RASEF: variants seen among roughly 807,000 people sequenced by gnomAD.
RASEF encodes the protein ras and EF-hand domain-containing protein.
In RASEF, 68 loss-of-function variants were observed where a neutral mutation model predicts 90.1. That is an observed-to-expected ratio of 0.75 (90% confidence interval 0.62 to 0.92). The LOEUF (loss-of-function observed/expected upper bound fraction) is 0.92. Ranked by LOEUF, RASEF falls within the 40% of genes least tolerant of loss-of-function variation. RASEF has a pLI of 0.00. For missense variants in RASEF, 949 were observed against 937.2 expected (o/e 1.01, Z -0.16); for synonymous variants, 331 against 345.2 (o/e 0.96, Z 0.46).
chr9:83,196,003 C>A, the RASEF span, among the ~76,000 whole-genome samples: 3 of 151,824 alleles, frequency 2.0e-5, no homozygotes, highest in South Asian at 6.2e-4. Flanking sequence ...CAACTTGGAC[C>A]CGGGGGTGGC....
At chr9:83,160,696 A>G in the RASEF span, among the ~76,000 whole-genome samples, 1 of 152,186 alleles carries the variant, frequency 6.6e-6, no homozygotes, top group African/African-American at 2.4e-5. Context: ...AATGGGGAAA[A>G]TGTCTCCAGG....
At chr9:83,187,210 G>A in the RASEF span, among the ~76,000 whole-genome samples, 315 of 152,142 alleles carry the variant, frequency 2.1e-3, 1 homozygote, top group African/African-American at 7.3e-3. Context: ...TGACTATCTG[G>A]TATCTTTCCC....
chr9:83,055,954 A>G lies in RASEF; in HGVS notation c.431+6483T>C, dbSNP rs115296065. 7.0e-3 allele frequency among the ~76,000 whole-genome samples: 1,071 copies of G among 152,274 alleles called. 11 individuals are homozygous for G. The highest frequency in any genetic ancestry group is 0.024 in the African/African-American group (1,013 of 41,548). On this transcript the variant is annotated intron_variant, in intron 1 of 16. Coordinates refer to ENST00000376447, the MANE Select transcript of RASEF (RefSeq NM_152573.4). ...ACATCCCAGGTCCTTCAGGTGTTAGAAACTCCTGAGTATTTAAGAAGGTGA... is the reference window on the plus strand; with the variant it reads ...ACATCCCAGGTCCTTCAGGTGTTAGGAACTCCTGAGTATTTAAGAAGGTGA...
At chr9:83,022,483 GAGAAA>G in intron 2 of RASEF, 57 bp from the exon 3 acceptor site, 2 of 1,284,506 alleles carry the variant, frequency 1.6e-6, no homozygotes, top group Non-Finnish European at 1.1e-6. Flanking sequence ...GAAACATGAA[GAGAAA>G]CTTCAGATTC....
At chr9:83,213,901 C>A in the RASEF span, among the ~76,000 whole-genome samples, 1 of 152,114 alleles carries the variant, frequency 6.6e-6, no homozygotes, top group Non-Finnish European at 1.5e-5. Context: ...TTGGAAGCTC[C>A]AGCAGGTGGT....
rs536127505 is a variant in RASEF at position 83,007,047 on chromosome 9, T to C, written c.1028+390A>G. Among the ~76,000 whole-genome samples the C allele has an allele frequency of 2.0e-5, 3 of 150,336 alleles. No homozygotes were observed. The South Asian group carries it at 6.3e-4, about 32-fold the overall frequency. ...AAGCAGAGCTTGCAGTGAGCCGAGA[T>C]TGCACCACTGCACTTCAGCCTGGGT... On this transcript the variant is annotated intron_variant, in intron 7 of 16. Coordinates refer to ENST00000376447, the MANE Select transcript of RASEF (RefSeq NM_152573.4).
the RASEF span, among the ~76,000 whole-genome samples, chr9:83,153,955 G>C: frequency 6.6e-6 from 1 of 152,160 alleles, no homozygotes; most frequent in African/African-American, 2.4e-5. Flanking sequence ...CACTTGACAG[G>C]CTGCATGGAA....
chr9:83,066,775 TAGAA>T (rs1000074287), upstream of RASEF, among the ~76,000 whole-genome samples: 1 of 152,258 alleles, frequency 6.6e-6, no homozygotes, highest in Admixed American at 6.5e-5. Context: ...AAATAAATTT[TAGAA>T]AGAATCCTAT....
Position 82,979,866 on chromosome 9 carries a change from C to A in RASEF, c.*2811G>T, listed in dbSNP as rs1828566365. 2 of 152,114 alleles carry A rather than the reference C, an allele frequency of 1.3e-5. No homozygotes were observed. Among genetic ancestry groups the A allele is most frequent in the Admixed American group, 1.3e-4 (2 of 15,274 alleles). The allele number at this position is 152,114 out of a possible 1,614,324, so 9.4% of individuals were successfully genotyped here. On this transcript the variant is annotated 3_prime_UTR_variant, in exon 17 of 17. Coordinates refer to ENST00000376447, the MANE Select transcript of RASEF (RefSeq NM_152573.4). ...ATGCCCACAAAAACCATCACTGAAG[C>A]CGATCACTGTACAAATATGAAAATA... is the stretch of plus-strand genomic sequence containing the variant.
the RASEF span, among the ~76,000 whole-genome samples, chr9:83,136,086 GCTATAATATTAAAAATATA>G: frequency 2.0e-5 from 3 of 151,752 alleles, no homozygotes; most frequent in African/African-American, 7.3e-5. Flanking sequence ...TTTAATTAAA[GCTATAATATTAAAAATATA>G]TAAAAACAAT....
intron 6 of RASEF, among the ~76,000 whole-genome samples, chr9:83,008,932 A>ATATATATATATATATC (rs1829186762): frequency 7.7e-6 from 1 of 130,560 alleles, no homozygotes; most frequent in African/African-American, 2.9e-5. Context: ...ATATATATAT[A>ATATATATATATATATC]TATGACGTGG....
At chr9:83,089,892 TGATAGATAGATAGATA>T in the RASEF span, among the ~76,000 whole-genome samples, 351 of 145,076 alleles carry the variant, frequency 2.4e-3, 3 homozygotes, top group Middle Eastern at 0.014. Flanking sequence ...TATAGATAGA[TGATAGATAGATAGATA>T]GATAGATAGA....
intron 1 of RASEF, among the ~76,000 whole-genome samples, chr9:83,040,388 ATATG>A (rs1829817048): frequency 6.6e-6 from 1 of 152,246 alleles, no homozygotes; most frequent in Non-Finnish European, 1.5e-5. Context: ...TTAATAACAT[ATATG>A]TGAGTTCCAA....
the RASEF span, among the ~76,000 whole-genome samples, chr9:83,166,564 G>A: frequency 1.3e-5 from 2 of 152,252 alleles, no homozygotes; most frequent in African/African-American, 4.8e-5. Flanking sequence ...CAGACAGCCG[G>A]GGTGTAAAAT....
chr9:82,997,593 A>G (rs1828945692), intron 13 of RASEF, among the ~76,000 whole-genome samples: 1 of 152,170 alleles, frequency 6.6e-6, no homozygotes, highest in South Asian at 2.1e-4. Context: ...AGGACTTTAC[A>G]TACATGGGGG....
At chr9:83,013,841 T>G (rs1829293922) in intron 4 of RASEF, among the ~76,000 whole-genome samples, 1 of 152,192 alleles carries the variant, frequency 6.6e-6, no homozygotes, top group African/African-American at 2.4e-5. Flanking sequence ...AAAATGTCAG[T>G]CATTATGGTT....
chr9:83,116,833 T>C, the RASEF span, among the ~76,000 whole-genome samples: 1 of 152,184 alleles, frequency 6.6e-6, no homozygotes, highest in Non-Finnish European at 1.5e-5. Flanking sequence ...AGGTAAAGAA[T>C]AGGCATTCTG....
chr9:83,077,478 C>T, the RASEF span, among the ~76,000 whole-genome samples: 7 of 152,112 alleles, frequency 4.6e-5, no homozygotes, highest in African/African-American at 1.7e-4. Context: ...GACATATCCA[C>T]AAACTCTCCC....
At chr9:83,182,529 G>A in the RASEF span, among the ~76,000 whole-genome samples, 5 of 152,114 alleles carry the variant, frequency 3.3e-5, no homozygotes, top group South Asian at 2.1e-4. Flanking sequence ...ACAAAATTGC[G>A]ATTTAAGTAT....
Sources: allele counts gnomAD v4.1 joint callset (sites outside exome capture counted in the v4.1 genomes callset), GRCh38; gene constraint gnomAD v4.1.1; transcripts MANE v1.5; gene names NCBI Gene and HGNC (gene_info 2026-07-23, HGNC 2026-07-21).